TRDN: variants seen among roughly 807,000 people sequenced by gnomAD.
The protein encoded by TRDN is triadin, also known as triadin in skeletal muscle.
In TRDN, 161 loss-of-function variants were observed where a neutral mutation model predicts 149.7. The observed-to-expected ratio is 1.08, with a 90% confidence interval of 0.95 to 1.23. The LOEUF is 1.23. Ranked by LOEUF, TRDN falls within the 50% of genes most tolerant of loss-of-function variation. The pLI, the probability that TRDN is intolerant of heterozygous loss-of-function variation, is 0.00. For missense variants in TRDN, 896 were observed against 823.5 expected (o/e 1.09, Z -1.08); for synonymous variants, 294 against 250.5 (o/e 1.17, Z -1.64).
intron 1 of TRDN, among the ~76,000 whole-genome samples, chr6:123,613,693 T>C (rs982715410): frequency 6.6e-6 from 1 of 152,174 alleles, no homozygotes; most frequent in Admixed American, 6.5e-5. Context: ...GTCTTACAAT[T>C]AATATCCATT....
intron 9 of TRDN, among the ~76,000 whole-genome samples, chr6:123,477,810 C>T (rs916239173): frequency 6.7e-6 from 1 of 148,984 alleles, no homozygotes; most frequent in Non-Finnish European, 1.5e-5. Flanking sequence ...ATCGCAAGAA[C>T]AAAAAACCAA....
At chr6:123,564,339 T>C (rs1035401690) in intron 2 of TRDN, among the ~76,000 whole-genome samples, 1 of 152,158 alleles carries the variant, frequency 6.6e-6, no homozygotes, top group African/African-American at 2.4e-5. Context: ...GTTGATAGAG[T>C]CCTAAATGTT....
chr6:123,239,119 G>A (rs550741294), intron 38 of TRDN, among the ~76,000 whole-genome samples: 120 of 152,236 alleles, frequency 7.9e-4, no homozygotes, highest in African/African-American at 2.7e-3. Context: ...GATTACAGGC[G>A]TGAGCCACTA....
chr6:123,260,594 GA>G lies in TRDN; in HGVS notation c.1831+17del. The G allele has an allele frequency of 7.5e-7, 1 of 1,336,530 alleles. No homozygotes were observed. Among genetic ancestry groups the G allele is most frequent in the Non-Finnish European group, 9.7e-7 (1 of 1,033,894 alleles). The allele number at this position is 1,336,530 out of a possible 1,614,324, so 82.8% of individuals were successfully genotyped here. On this transcript the variant is annotated intron_variant, in intron 34 of 40. Coordinates refer to ENST00000334268, the MANE Select transcript of TRDN (RefSeq NM_006073.4). Reference sequence around the variant, plus strand: ...TCCACAACTGTATCTTATCTCCTCTGAAAAAGTAAATATTTACCTGATTCTG... The same window carrying G: ...TCCACAACTGTATCTTATCTCCTCTGAAAAGTAAATATTTACCTGATTCTG...
At chr6:123,344,493 C>G (rs1457627635) in intron 21 of TRDN, among the ~76,000 whole-genome samples, 1 of 151,954 alleles carries the variant, frequency 6.6e-6, no homozygotes. Context: ...ATACTTTTGC[C>G]TTTTCCAGAA....
chr6:123,314,247 A>T (rs904369494), intron 24 of TRDN, among the ~76,000 whole-genome samples: 13 of 152,094 alleles, frequency 8.5e-5, no homozygotes, highest in African/African-American at 2.7e-4. Flanking sequence ...CATATGAAAA[A>T]AAGGCTTAAT....
In TRDN at chr6:123,381,366, T is replaced by C. The variant is rs764237746; in HGVS notation, c.1186+4A>G. On this transcript the variant is annotated splice_donor_region_variant and intron_variant, in intron 16 of 40. Transcript: ENST00000334268. ...ACACAAATACACTGCATGCATTTCC[T>C]TACTTTTTCCCTTGGGTTGTTCTAC... 1 of 1,556,388 alleles carries C rather than the reference T, an allele frequency of 6.4e-7. No individual in the cohort carries two copies. The highest frequency in any genetic ancestry group is 8.7e-7 in the Non-Finnish European group (1 of 1,148,926).
chr6:123,241,730 A>T (rs1381658207), intron 38 of TRDN, among the ~76,000 whole-genome samples: 1 of 152,078 alleles, frequency 6.6e-6, no homozygotes, highest in Non-Finnish European at 1.5e-5. Flanking sequence ...ATTTATTATT[A>T]TGGAGATGTC....
At chr6:123,337,088 T>C (rs930832513) in intron 22 of TRDN, among the ~76,000 whole-genome samples, 2 of 151,996 alleles carry the variant, frequency 1.3e-5, no homozygotes, top group East Asian at 1.9e-4. Flanking sequence ...TGCTTTTTCA[T>C]AGCAATATAG....
At chr6:123,258,938 G>A (rs927152768) in intron 35 of TRDN, among the ~76,000 whole-genome samples, 1 of 152,126 alleles carries the variant, frequency 6.6e-6, no homozygotes, top group African/African-American at 2.4e-5. Context: ...GGTGTTTATA[G>A]TATTCTCTGA....
intron 24 of TRDN, among the ~76,000 whole-genome samples, chr6:123,291,962 T>C (rs1778026596): frequency 6.6e-6 from 1 of 152,158 alleles, no homozygotes; most frequent in African/African-American, 2.4e-5. Context: ...GGGAGCAGTG[T>C]TTCCTCCAAA....
chr6:123,585,595 AG>A (rs757467026), intron 1 of TRDN, among the ~76,000 whole-genome samples: 5 of 152,258 alleles, frequency 3.3e-5, no homozygotes, highest in East Asian at 3.9e-4. Context: ...GGAGTCTGAG[AG>A]CCTTGGGCCA....
At chr6:123,272,750 AG>A (rs1777245759) in intron 29 of TRDN, among the ~76,000 whole-genome samples, 1 of 151,914 alleles carries the variant, frequency 6.6e-6, no homozygotes, top group Non-Finnish European at 1.5e-5. Context: ...TCTGGTGGGA[AG>A]GGAAGACTAG....
At chr6:123,235,007 A>C (rs1029995410) in intron 38 of TRDN, among the ~76,000 whole-genome samples, 3 of 152,148 alleles carry the variant, frequency 2.0e-5, no homozygotes, top group Admixed American at 2.0e-4. Flanking sequence ...TAGAGATCTT[A>C]AATTTCCTTC....
chr6:123,430,475 G>C (rs898349249), intron 12 of TRDN, among the ~76,000 whole-genome samples: 1 of 151,986 alleles, frequency 6.6e-6, no homozygotes, highest in African/African-American at 2.4e-5. Context: ...CCAGCTACTA[G>C]GGAGGCCGAG....
intron 38 of TRDN, 84 bp from the exon 39 acceptor site, chr6:123,224,215 G>C: frequency 7.6e-7 from 1 of 1,318,774 alleles, no homozygotes; most frequent in Non-Finnish European, 1.1e-6. Context: ...AGGTTTTTAA[G>C]AGTCACAAGA....
chr6:123,546,293 A>G (rs1046764489), intron 4 of TRDN, among the ~76,000 whole-genome samples: 4 of 152,108 alleles, frequency 2.6e-5, no homozygotes, highest in Non-Finnish European at 5.9e-5. Context: ...CCTTTGCCAT[A>G]GTTGAGTTTG....
At position 123,316,454 on chromosome 6, in the gene TRDN, T is replaced by C. The variant is rs1349217380; in HGVS notation, c.1510+3A>G. ...GTATGTAAATCTTACAAAATATCCTTACCTGCTTTGGACATCTTTTCATCT... is the reference window on the plus strand; with the variant it reads ...GTATGTAAATCTTACAAAATATCCTCACCTGCTTTGGACATCTTTTCATCT... On this transcript the variant is annotated splice_donor_region_variant and intron_variant, in intron 24 of 40. Coordinates refer to ENST00000334268, the MANE Select transcript of TRDN (RefSeq NM_006073.4). The C allele has an allele frequency of 2.5e-6, 4 of 1,610,122 alleles. No individual in the cohort carries two copies. The highest frequency in any genetic ancestry group is 2.2e-5 in the South Asian group (2 of 90,960).
intron 25 of TRDN, 55 bp downstream of exon 25, chr6:123,279,001 T>C (rs1045155543): frequency 9.5e-6 from 14 of 1,473,700 alleles, no homozygotes; most frequent in South Asian, 3.9e-5. Flanking sequence ...AGATTTGTTT[T>C]ATGTATGTAT....
Sources: gnomAD v4.1 joint callset for allele counts (sites outside exome capture counted in the v4.1 genomes callset) on GRCh38, gnomAD v4.1.1 for gene constraint, MANE v1.5 for transcripts, NCBI Gene and HGNC (gene_info 2026-07-23, HGNC 2026-07-21) for gene names.